CDH13: variants seen among roughly 807,000 people sequenced by gnomAD.
CDH13 encodes the protein cadherin-13.
In CDH13, 24 loss-of-function variants were observed where a neutral mutation model predicts 63.8. The observed-to-expected ratio is 0.38, with a 90% CI of 0.27 to 0.53. CDH13 has a LOEUF of 0.53. Among genes scored for constraint, CDH13 ranks in the 20% least tolerant of loss-of-function variants. The pLI is 0.85. For synonymous variants in CDH13, 503 were observed against 355.3 expected, an observed-to-expected ratio of 1.42 and a Z score of -4.67; for missense variants, 1,049 against 903.1, an observed-to-expected ratio of 1.16 and a Z score of -2.07.
intron 6 of CDH13, among the ~76,000 whole-genome samples, chr16:83,393,471 G>C (rs146413874): frequency 6.6e-6 from 1 of 152,162 alleles, no homozygotes; most frequent in Non-Finnish European, 1.5e-5. Context: ...TCTGCTGCCC[G>C]AGTCCAGTGA....
At chr16:83,252,321 A>C (rs1375893491) in intron 5 of CDH13, among the ~76,000 whole-genome samples, 1 of 136,892 alleles carries the variant, frequency 7.3e-6, no homozygotes, top group Non-Finnish European at 1.6e-5. Flanking sequence ...TTTAAGTTTT[A>C]GGGTACATGT....
rs1038057263 is a variant in CDH13 at position 83,001,131 on chromosome 16, G to A, written c.158-30879G>A. On this transcript the variant is annotated intron_variant, in intron 2 of 13. Transcript: ENST00000567109. The stretch of plus-strand genomic sequence containing the variant: ...TGTTGTCAAGATCTTCTAGTAGATC[G>A]TAAGTCCCTTGAAGAAAAAGATGAC... Among the ~76,000 whole-genome samples, 100 of 152,316 alleles carry A rather than the reference G, an allele frequency of 6.6e-4. 1 individual carries two copies. Among genetic ancestry groups the A allele is most frequent in the African/African-American group, 2.4e-3 (98 of 41,574 alleles).
At chr16:83,513,851 C>G (rs2074634256) in intron 7 of CDH13, among the ~76,000 whole-genome samples, 1 of 152,166 alleles carries the variant, frequency 6.6e-6, no homozygotes, top group Admixed American at 6.5e-5. Context: ...CGCAGATCAC[C>G]TTTATTGCCA....
chr16:83,137,258 C>T (rs2151668215), intron 4 of CDH13, among the ~76,000 whole-genome samples: 1 of 152,292 alleles, frequency 6.6e-6, no homozygotes, highest in Non-Finnish European at 1.5e-5. Context: ...GCAAGTGCAA[C>T]ATAAAAGCAA....
intron 1 of CDH13, among the ~76,000 whole-genome samples, chr16:82,837,256 A>C (rs537905466): frequency 6.6e-6 from 1 of 152,308 alleles, no homozygotes; most frequent in Admixed American, 6.5e-5. Context: ...TGTCTGTAAA[A>C]TAGTGGTGGT....
intron 3 of CDH13, among the ~76,000 whole-genome samples, chr16:83,106,489 C>T (rs1011841189): frequency 2.6e-5 from 4 of 152,026 alleles, no homozygotes; most frequent in South Asian, 2.1e-4. Context: ...TGCGGTGGGC[C>T]GAGATCACGC....
chr16:83,612,237 A>T (rs951279452), intron 8 of CDH13, among the ~76,000 whole-genome samples: 1 of 151,650 alleles, frequency 6.6e-6, no homozygotes, highest in Non-Finnish European at 1.5e-5. Flanking sequence ...TAATGCATTG[A>T]CTCTTTACCA....
chr16:83,303,814 T>A (rs967540153), intron 5 of CDH13, among the ~76,000 whole-genome samples: 1 of 152,048 alleles, frequency 6.6e-6, no homozygotes, highest in African/African-American at 2.4e-5. Flanking sequence ...CAGAATTAAA[T>A]CATCTACCCA....
chr16:83,318,693 A>G (rs1203186792), intron 5 of CDH13, among the ~76,000 whole-genome samples: 1 of 151,972 alleles, frequency 6.6e-6, no homozygotes, highest in Non-Finnish European at 1.5e-5. Context: ...CGAAGGAGGG[A>G]TTTGCTTGGT....
chr16:82,964,577 C>G (rs1031529207), intron 2 of CDH13, among the ~76,000 whole-genome samples: 12 of 152,156 alleles, frequency 7.9e-5, no homozygotes, highest in African/African-American at 2.7e-4. Context: ...AGTGGGTGAG[C>G]TTTATCAACA....
At chr16:82,679,382 T>TC (rs1914294386) in intron 1 of CDH13, among the ~76,000 whole-genome samples, 1 of 152,140 alleles carries the variant, frequency 6.6e-6, no homozygotes, top group Middle Eastern at 3.2e-3. Flanking sequence ...GCAAGAACTG[T>TC]CCAACATAAT....
chr16:83,048,682 C>T (rs1369244374), intron 3 of CDH13, among the ~76,000 whole-genome samples: 2 of 152,122 alleles, frequency 1.3e-5, no homozygotes, highest in Non-Finnish European at 2.9e-5. Flanking sequence ...ACCGATTCTT[C>T]CTCCTTTTCA....
At chr16:83,093,158 G>T (rs1024549228) in intron 3 of CDH13, among the ~76,000 whole-genome samples, 1 of 152,014 alleles carries the variant, frequency 6.6e-6, no homozygotes, top group Non-Finnish European at 1.5e-5. Context: ...CGAACTTCTT[G>T]TTCTGTCTCA....
intron 7 of CDH13, among the ~76,000 whole-genome samples, chr16:83,534,751 C>A (rs987782133): frequency 6.6e-6 from 1 of 152,226 alleles, no homozygotes; most frequent in Non-Finnish European, 1.5e-5. Context: ...GCTTCTACTT[C>A]CTCACTATTA....
At chr16:83,591,905 G>A (rs1335713030) in intron 7 of CDH13, among the ~76,000 whole-genome samples, 2 of 152,156 alleles carry the variant, frequency 1.3e-5, no homozygotes, top group African/African-American at 4.8e-5. Context: ...ATAGAGTTTA[G>A]GGATTAAAGG....
At chr16:83,432,794 T>C (rs1223904105) in intron 6 of CDH13, among the ~76,000 whole-genome samples, 3 of 152,142 alleles carry the variant, frequency 2.0e-5, no homozygotes, top group East Asian at 3.9e-4. Flanking sequence ...GCATCCCTGA[T>C]CAGGAAGTGC....
chr16:83,101,417 T>C (rs1481123550), intron 3 of CDH13, among the ~76,000 whole-genome samples: 2 of 149,794 alleles, frequency 1.3e-5, no homozygotes, highest in South Asian at 4.2e-4. Context: ...ATATTTAGTA[T>C]GTTAGATTGT....
chr16:83,170,498 C>T (rs1014058599), intron 4 of CDH13, among the ~76,000 whole-genome samples: 1 of 152,048 alleles, frequency 6.6e-6, no homozygotes, highest in Non-Finnish European at 1.5e-5. Context: ...AGAAACTCAC[C>T]AATACAATTT....
rs146579110 is a variant in CDH13 at position 82,809,854 on chromosome 16, G to A, written c.46-48508G>A. ...CTTTCTGGACAGCAGTAAAAGAAGT[G>A]GATTAGAACAATTTACAGCCTTCTC... On this transcript the variant is annotated intron_variant, in intron 1 of 13. Coordinates refer to ENST00000567109, the MANE Select transcript of CDH13 (RefSeq NM_001257.5). 1.0e-3 allele frequency among the ~76,000 whole-genome samples: 152 copies of A among 152,188 alleles called. 8 individuals carry two copies. The East Asian group carries it at 0.024, about 24-fold the overall frequency.
Sources: allele counts gnomAD v4.1 joint callset (sites outside exome capture counted in the v4.1 genomes callset), GRCh38; gene constraint gnomAD v4.1.1; transcripts MANE v1.5; gene names NCBI Gene and HGNC (gene_info 2026-07-23, HGNC 2026-07-21).